The following CCDC191 variants were observed in gnomAD, a reference collection of about 807,000 sequenced individuals.
CCDC191 encodes coiled-coil domain-containing protein 191.
CCDC191 carries 99 observed loss-of-function variants against 114.0 expected under a neutral mutation model. That is an observed-to-expected ratio of 0.87 (90% CI 0.74 to 1.03). The LOEUF (loss-of-function observed/expected upper bound fraction) is 1.03, where lower values mean the gene tolerates loss of function less well. Among genes scored for constraint, CCDC191 ranks in the 50% least tolerant of loss-of-function variants. CCDC191 has a pLI of 0.00. For missense variants in CCDC191, 973 were observed against 1,087.0 expected, an observed-to-expected ratio of 0.90 and a Z score of 1.47; for synonymous variants, 351 against 376.0, an observed-to-expected ratio of 0.93 and a Z score of 0.77.
At position 114,048,871 on chromosome 3, in the gene CCDC191, T is replaced by C. The variant is rs1223518690; in HGVS notation, c.130-2139A>G. ...TGCTTGGCACTCAACAGGTGTCCAA[T>C]AAATATTTGTTAAAGGAATGAATAC... On this transcript the variant is annotated intron_variant, in intron 2 of 16. Transcript: ENST00000295878. Among the ~76,000 whole-genome samples, 5 of 152,240 alleles carry C rather than the reference T, an allele frequency of 3.3e-5. No individual in the cohort carries two copies. The East Asian group carries it at 9.6e-4, about 29-fold the overall frequency.
chr3:114,030,981 C>T (rs1293848994), intron 7 of CCDC191, among the ~76,000 whole-genome samples: 1 of 152,108 alleles, frequency 6.6e-6, no homozygotes, highest in African/African-American at 2.4e-5. Context: ...AGTCCTTTTA[C>T]CTGAAATGTT....
Position 114,053,634 on chromosome 3 carries a change from G to T in CCDC191, c.92C>A (p.Pro31His). ...TTCCACACTGTCAGGACCAAAAGTAGGCTGTAGATAACATATATATGATAT... is the reference window on the plus strand; with the variant it reads ...TTCCACACTGTCAGGACCAAAAGTATGCTGTAGATAACATATATATGATAT... ...KRFTRKPSPK[P>H]TFGPDSVEHW... The change falls in exon 2 of 17, where the codon CCT (proline) becomes CAT (histidine). Residue 31 changes from proline (P) to histidine (H), a missense_variant and splice_region_variant. Physicochemically the swap from Pro to His is moderately conservative, Grantham distance 77. Coordinates refer to ENST00000295878, the MANE Select transcript of CCDC191 (RefSeq NM_020817.2). 1 of 1,583,592 alleles carries T rather than the reference G, an allele frequency of 6.3e-7. No individual in the cohort carries two copies. The highest frequency in any genetic ancestry group is 8.6e-7 in the Non-Finnish European group (1 of 1,156,328).
chr3:113,971,026 ATG>A (rs1940765116), intron 16 of CCDC191, among the ~76,000 whole-genome samples: 1 of 150,696 alleles, frequency 6.6e-6, no homozygotes, highest in African/African-American at 2.5e-5. Context: ...CGCAATAAAC[ATG>A]TGTGCATGTG....
At chr3:113,993,435 T>C (rs1291368940) in intron 13 of CCDC191, among the ~76,000 whole-genome samples, 1 of 150,914 alleles carries the variant, frequency 6.6e-6, no homozygotes, top group Non-Finnish European at 1.5e-5. Context: ...AGCCCAGAAA[T>C]AGATCCACAC....
intron 8 of CCDC191, among the ~76,000 whole-genome samples, chr3:114,018,164 G>A (rs768806861): frequency 6.6e-6 from 1 of 152,162 alleles, no homozygotes; most frequent in Non-Finnish European, 1.5e-5. Flanking sequence ...AACATTTTAT[G>A]TGCAGACAGT....
intron 1 of CCDC191, 30 bp downstream of exon 1, chr3:114,056,347 C>A: frequency 1.2e-6 from 2 of 1,609,194 alleles, no homozygotes; most frequent in Non-Finnish European, 1.7e-6. Context: ...GGGAAAGTCC[C>A]CGCCCTCCAA....
chr3:114,048,370 T>A (rs1042782138), intron 2 of CCDC191, among the ~76,000 whole-genome samples: 1 of 152,210 alleles, frequency 6.6e-6, no homozygotes, highest in African/African-American at 2.4e-5. Context: ...CAGTGGCTCC[T>A]GATCTCAATC....
At chr3:113,976,135 G>A (rs534074288) in intron 16 of CCDC191, among the ~76,000 whole-genome samples, 1 of 151,976 alleles carries the variant, frequency 6.6e-6, no homozygotes, top group African/African-American at 2.4e-5. Flanking sequence ...AGTACATGCC[G>A]TTAATCCCAG....
chr3:114,006,638 TAAAAAAC>T (rs2075976127), intron 9 of CCDC191, among the ~76,000 whole-genome samples: 1 of 130,256 alleles, frequency 7.7e-6, no homozygotes, highest in Non-Finnish European at 1.7e-5. Flanking sequence ...ATTTTATATA[TAAAAAAC>T]ATGAATTTAA....
chr3:114,007,912 A>G lies in CCDC191; in HGVS notation c.1414-1950T>C, dbSNP rs1298564589. Among the ~76,000 whole-genome samples, 7 of 151,682 alleles carry G rather than the reference A, an allele frequency of 4.6e-5. 1 individual carries two copies. In the East Asian group the frequency reaches 1.4e-3, roughly 29 times the overall value. On this transcript the variant is annotated intron_variant, in intron 9 of 16. Transcript: ENST00000295878. ...AGTTTACTTAGTCTCTACAGGGTCT[A>G]TTGTAGCCCTCTATTATCATTTGCT...
At chr3:113,998,213 G>A (rs770456167) in intron 13 of CCDC191, among the ~76,000 whole-genome samples, 6 of 149,784 alleles carry the variant, frequency 4.0e-5, no homozygotes, top group Non-Finnish European at 7.4e-5. Context: ...GGCTGAGGAA[G>A]GAGAATCACT....
chr3:114,006,316 G>T (rs567824619), intron 9 of CCDC191, among the ~76,000 whole-genome samples: 1 of 151,934 alleles, frequency 6.6e-6, no homozygotes. Context: ...AGGCATGGTG[G>T]TACGCACCTG....
intron 7 of CCDC191, among the ~76,000 whole-genome samples, chr3:114,019,129 A>G (rs1481139295): frequency 6.6e-6 from 1 of 152,216 alleles, no homozygotes; most frequent in Non-Finnish European, 1.5e-5. Context: ...CACCAGTCCC[A>G]TGGGGAGCTG....
rs756802038 is a variant in CCDC191 at position 114,056,430 on chromosome 3, T to C, written c.37A>G (p.Lys13Glu). The C allele has an allele frequency of 3.1e-6, 5 of 1,614,136 alleles. No homozygotes were observed. In the East Asian group the frequency reaches 6.7e-5, roughly 22 times the overall value. ...LAPQGRSFSK[K>E]RMGLNRWKRF... ...TTCCAGCGATTCAGCCCCATCCTTT[T>C]CTTTGAGAAGGACCTTCCCTGAGGC... Residue 13 changes from lysine to glutamate, a missense_variant, in exon 1 of 17, where the codon AAA becomes GAA. Coordinates refer to ENST00000295878, the MANE Select transcript of CCDC191 (RefSeq NM_020817.2).
intron 16 of CCDC191, among the ~76,000 whole-genome samples, chr3:113,973,021 T>C (rs1178461374): frequency 6.6e-6 from 1 of 152,170 alleles, no homozygotes; most frequent in Non-Finnish European, 1.5e-5. Flanking sequence ...ACTCTATGTC[T>C]TTTAATTGGA....
At chr3:113,978,438 A>T (rs1307154127) in intron 15 of CCDC191, 107 bp from the exon 16 acceptor site, 17 of 1,093,916 alleles carry the variant, frequency 1.6e-5, no homozygotes, top group Admixed American at 4.7e-5. Context: ...GAAACAAATG[A>T]CACTAGAGAC....
chr3:113,965,604 T>C (rs1364196166), intron 16 of CCDC191, among the ~76,000 whole-genome samples: 1 of 152,208 alleles, frequency 6.6e-6, no homozygotes, highest in African/African-American at 2.4e-5. Context: ...ATTTATTTTC[T>C]TTGAGGCAAG....
chr3:114,053,539 C>T, intron 2 of CCDC191, 58 bp downstream of exon 2: 1 of 1,000,042 alleles, frequency 1.0e-6, no homozygotes. Flanking sequence ...ATTTCTTTTC[C>T]ATCTGATTAT....
intron 7 of CCDC191, 95 bp downstream of exon 7, chr3:114,031,531 C>T: frequency 9.3e-7 from 1 of 1,069,612 alleles, no homozygotes; most frequent in Non-Finnish European, 1.4e-6. Context: ...TGATGAGGTT[C>T]AACTGGACTT....
Sources: allele counts gnomAD v4.1 joint callset (sites outside exome capture counted in the v4.1 genomes callset), GRCh38; gene constraint gnomAD v4.1.1; transcripts MANE v1.5; gene names NCBI Gene and HGNC (gene_info 2026-07-23, HGNC 2026-07-21).